The following INSR variants were observed in gnomAD, a reference collection of about 807,000 sequenced individuals.
The protein encoded by INSR is IR.
A neutral mutation model predicts 142.6 loss-of-function variants in INSR; 67 were observed. That is an observed-to-expected ratio of 0.47 (90% CI 0.39 to 0.58). The LOEUF (loss-of-function observed/expected upper bound fraction) is 0.58. INSR is among the 20% of genes least tolerant of loss of function. The pLI is 0.00. For synonymous variants in INSR, 756 were observed against 743.1 expected (o/e 1.02, Z -0.28); for missense variants, 1,248 against 1,833.2 (o/e 0.68, Z 5.83).
At chr19:7,186,084 T>C (rs1974424474) in intron 2 of INSR, among the ~76,000 whole-genome samples, 2 of 151,848 alleles carry the variant, frequency 1.3e-5, no homozygotes, top group African/African-American at 4.8e-5. Flanking sequence ...TAATCCCAGC[T>C]ACTCAGGAGG....
chr19:7,242,455 G>T (rs112132305), intron 2 of INSR, among the ~76,000 whole-genome samples: 23,517 of 151,928 alleles, frequency 0.15, 2,029 homozygotes, highest in Non-Finnish European at 0.19. Context: ...TAAAAGTTCA[G>T]CCGGGTGTGG....
intron 1 of INSR, among the ~76,000 whole-genome samples, chr19:7,290,293 C>A (rs1036653859): frequency 3.3e-5 from 5 of 152,018 alleles, no homozygotes; most frequent in Non-Finnish European, 4.4e-5. Flanking sequence ...GTGGTCCCAG[C>A]TACTACGGAG....
intron 2 of INSR, among the ~76,000 whole-genome samples, chr19:7,238,840 C>A (rs1976246018): frequency 6.6e-6 from 1 of 151,526 alleles, no homozygotes; most frequent in African/African-American, 2.4e-5. Context: ...TGGGCTTCCA[C>A]TATGTGTCCC....
chr19:7,252,223 A>G (rs1976749572), intron 2 of INSR, among the ~76,000 whole-genome samples: 1 of 152,142 alleles, frequency 6.6e-6, no homozygotes, highest in African/African-American at 2.4e-5. Context: ...CATTCTGGCC[A>G]ACATGACGAA....
At position 7,240,325 on chromosome 19, in the gene INSR, G is replaced by A. The variant is rs906485760; in HGVS notation, c.652+27020C>T. ...ATGCCAGGCGTGGTGGCTCATGCCT[G>A]TAATCCCAGCACTTTGGGAGGCTGA... On this transcript the variant is annotated intron_variant, in intron 2 of 21. Coordinates refer to ENST00000302850, the MANE Select transcript of INSR (RefSeq NM_000208.4). Among the ~76,000 whole-genome samples, 88 of 152,312 alleles carry A rather than the reference G, an allele frequency of 5.8e-4. 1 individual carries two copies. Among genetic ancestry groups the A allele is most frequent in the African/African-American group, 1.9e-3 (80 of 41,586 alleles).
chr19:7,293,729 G>T, intron 1 of INSR, 63 bp downstream of exon 1: 1 of 1,251,582 alleles, frequency 8.0e-7, no homozygotes, highest in Non-Finnish European at 1.0e-6. Context: ...CTCGATTTTG[G>T]CTTGGGTGGG....
At chr19:7,126,528 CA>C in intron 16 of INSR, 55 bp downstream of exon 16, 2 of 1,440,140 alleles carry the variant, frequency 1.4e-6, no homozygotes, top group Non-Finnish European at 1.9e-6. Flanking sequence ...ATGGTGAAGG[CA>C]AAGGAAGCTG....
chr19:7,170,414 C>T, intron 6 of INSR, 123 bp downstream of exon 6: 1 of 738,582 alleles, frequency 1.4e-6, no homozygotes, highest in Admixed American at 2.0e-5. Flanking sequence ...GAATAAAGTG[C>T]ATAGTAAATG....
rs1968560392 is a variant in INSR, at chr19:7,293,762, C to T, written c.100+30G>A. 9 of 1,325,814 alleles carry T rather than the reference C, an allele frequency of 6.8e-6. No homozygotes were observed. In the East Asian group the frequency reaches 3.0e-4, roughly 43 times the overall value. 82.1% of individuals were successfully genotyped at this position (1,325,814 alleles called of 1,614,324 possible). ...GGGGTCCTCTCCCCATCGCGGCGCTCCCCGCCCACGCCCGCGCCCCCAGAC... is the reference window on the plus strand; with the variant it reads ...GGGGTCCTCTCCCCATCGCGGCGCTTCCCGCCCACGCCCGCGCCCCCAGAC... On this transcript the variant is annotated intron_variant, in intron 1 of 21. Coordinates refer to ENST00000302850, the MANE Select transcript of INSR (RefSeq NM_000208.4).
chr19:7,199,827 G>A (rs890893946), intron 2 of INSR, among the ~76,000 whole-genome samples: 2 of 133,916 alleles, frequency 1.5e-5, no homozygotes, highest in South Asian at 2.5e-4. Flanking sequence ...CAGTATGCAC[G>A]AGACACATAC....
At chr19:7,264,218 A>G (rs1216311495) in intron 2 of INSR, among the ~76,000 whole-genome samples, 1 of 151,206 alleles carries the variant, frequency 6.6e-6, no homozygotes, top group Non-Finnish European at 1.5e-5. Context: ...CTGTAATCCC[A>G]GCTACTTGGG....
At chr19:7,245,498 C>G (rs973237879) in intron 2 of INSR, among the ~76,000 whole-genome samples, 4 of 152,014 alleles carry the variant, frequency 2.6e-5, no homozygotes, top group African/African-American at 9.7e-5. Flanking sequence ...CACCCAGACT[C>G]AAGTGCAGTG....
Position 7,197,321 on chromosome 19 carries a change from A to AAAGT in INSR, c.653-12685_653-12684insACTT, listed in dbSNP as rs1974777700. ...CCGCAGGCTTCTTCTCTTCGGAGAGAGAGTGAGTGAGTGAGTAAGCGAGTG... is the reference window on the plus strand; with the variant it reads ...CCGCAGGCTTCTTCTCTTCGGAGAGAAAGTGAGTGAGTGAGTGAGTAAGCGAGTG... On this transcript the variant is annotated intron_variant, in intron 2 of 21. Transcript: ENST00000302850. Among the ~76,000 whole-genome samples the AAAGT allele has an allele frequency of 2.0e-5, 3 of 151,324 alleles. No homozygotes were observed. In the South Asian group the frequency reaches 6.2e-4, roughly 31 times the overall value.
rs140221311 is a variant in INSR at position 7,125,971 on chromosome 19, G to A, written c.3014-444C>T. ...GTGGAGTCTATCTCACCACCCCTTG[G>A]CCCTGGGCATGGCCTTGTGAGTTAT... On this transcript the variant is annotated intron_variant, in intron 16 of 21. Transcript: ENST00000302850. This position sits in a 1 kb window ranked among gnomAD's most constrained non-coding sequence, Gnocchi z 4.9. Among the ~76,000 whole-genome samples the A allele has an allele frequency of 3.9e-5, 6 of 152,298 alleles. No individual in the cohort carries two copies. Among genetic ancestry groups the A allele is most frequent in the African/African-American group, 1.4e-4 (6 of 41,584 alleles).
intron 1 of INSR, among the ~76,000 whole-genome samples, chr19:7,293,575 C>G (rs1242809656): frequency 3.3e-5 from 5 of 152,048 alleles, no homozygotes; most frequent in Admixed American, 2.0e-4. Context: ...GGGCTCAGGT[C>G]GGGCACGCAG....
chr19:7,161,387 G>C (rs1261532723), intron 9 of INSR, among the ~76,000 whole-genome samples: 2 of 151,772 alleles, frequency 1.3e-5, no homozygotes, highest in Non-Finnish European at 2.9e-5. Flanking sequence ...GGCCTCCCAA[G>C]TAACTGGGAC....
rs1044244528 is a variant in INSR, at chr19:7,267,208, T to C, written c.652+137A>G. Reference sequence around the variant, plus strand: ...TTTACAGAAAATGTCTGCCACTCCCTGGGCTAGTGAATGCCACCACCCACT... The same window carrying C: ...TTTACAGAAAATGTCTGCCACTCCCCGGGCTAGTGAATGCCACCACCCACT... On this transcript the variant is annotated intron_variant, in intron 2 of 21. Coordinates refer to ENST00000302850, the MANE Select transcript of INSR (RefSeq NM_000208.4). The surrounding 1 kb of genome is among the most constrained non-coding windows in gnomAD (Gnocchi z 6.3). The C allele has an allele frequency of 4.3e-5, 37 of 866,668 alleles. No individual in the cohort carries two copies. In the African/African-American group the frequency reaches 5.7e-4, roughly 13 times the overall value. The allele number at this position is 866,668 out of a possible 1,614,324, so 53.7% of individuals were successfully genotyped here.
At chr19:7,288,533 G>A (rs190118444) in intron 1 of INSR, among the ~76,000 whole-genome samples, 105 of 151,892 alleles carry the variant, frequency 6.9e-4, no homozygotes, top group Admixed American at 3.2e-3. Flanking sequence ...CAGCTACTTG[G>A]GGAACCTAGG....
At chr19:7,274,419 A>AT (rs972800918) in intron 1 of INSR, among the ~76,000 whole-genome samples, 9 of 150,484 alleles carry the variant, frequency 6.0e-5, no homozygotes, top group Non-Finnish European at 1.3e-4. Flanking sequence ...GGTCTGCAGG[A>AT]TTTTTTTCCC....
Sources: allele counts gnomAD v4.1 joint callset (sites outside exome capture counted in the v4.1 genomes callset), GRCh38; gene constraint gnomAD v4.1.1; non-coding constraint Gnocchi (gnomAD v3.1); transcripts MANE v1.5; gene names NCBI Gene and HGNC (gene_info 2026-07-23, HGNC 2026-07-21).